PHF3: variants seen among roughly 807,000 people sequenced by gnomAD.
PHF3 encodes the protein PHD finger protein 3.
A neutral mutation model predicts 178.4 loss-of-function variants in PHF3; 41 were observed. That is an observed-to-expected ratio of 0.23 (90% CI 0.18 to 0.30). PHF3 has a LOEUF of 0.30. Among genes scored for constraint, PHF3 ranks in the 10% least tolerant of loss-of-function variants. The pLI is 1.00. For missense variants in PHF3, 2,346 were observed against 2,398.1 expected (o/e 0.98, Z 0.45); for synonymous variants, 842 against 800.5 (o/e 1.05, Z -0.88).
In PHF3 at chr6:63,675,763, C is replaced by G. The variant is rs111981683; in HGVS notation, c.245-4237C>G. ...CATCACTTACCTTCCAAGTTATTTTCCAGCACATATAAACATGGTCAGATC... is the reference window on the plus strand; with the variant it reads ...CATCACTTACCTTCCAAGTTATTTTGCAGCACATATAAACATGGTCAGATC... On this transcript the variant is annotated intron_variant, in intron 2 of 15. Transcript: ENST00000262043. Among the ~76,000 whole-genome samples, 1,069 of 152,270 alleles carry G rather than the reference C, an allele frequency of 7.0e-3. 15 individuals are homozygous for G. The highest frequency in any genetic ancestry group is 0.024 in the South Asian group (115 of 4,822).
At chr6:63,665,247 A>T (rs1262550003) in intron 2 of PHF3, among the ~76,000 whole-genome samples, 2 of 152,096 alleles carry the variant, frequency 1.3e-5, no homozygotes, top group East Asian at 3.9e-4. Context: ...GACAGATTAA[A>T]GGTGTGTATT....
chr6:63,720,616 C>A lies in PHF3; in HGVS notation c.*6908C>A, dbSNP rs1452976947. ...TTAACTTATGTAACCTCATTTTGTT[C>A]ATCTCCATCATAAACATTGTATCCT... On this transcript the variant is annotated 3_prime_UTR_variant, in exon 16 of 16. Coordinates refer to ENST00000262043, the MANE Select transcript of PHF3 (RefSeq NM_001370348.2). 17 of 1,490,468 alleles carry A rather than the reference C, an allele frequency of 1.1e-5. No homozygotes were observed. Among genetic ancestry groups the A allele is most frequent in the Non-Finnish European group, 1.5e-5 (17 of 1,117,884 alleles). 92.3% of individuals were successfully genotyped at this position (1,490,468 alleles called of 1,614,324 possible).
At position 63,653,702 on chromosome 6, in the gene PHF3, T is replaced by G. The variant is rs149237943; in HGVS notation, c.244+6907T>G. On this transcript the variant is annotated intron_variant, in intron 2 of 15. Transcript: ENST00000262043. ...CTGTGTCGAATGAAAATGGGCATCC[T>G]TGTCTTGTTTCAGATGTTAGAGGAA... Among the ~76,000 whole-genome samples, 377 of 152,280 alleles carry G rather than the reference T, an allele frequency of 2.5e-3. 1 individual carries two copies. Among genetic ancestry groups the G allele is most frequent in the East Asian group, 7.7e-3 (40 of 5,188 alleles).
At chr6:63,705,638 G>C (rs1207877731) in intron 11 of PHF3, among the ~76,000 whole-genome samples, 2 of 152,190 alleles carry the variant, frequency 1.3e-5, no homozygotes, top group Non-Finnish European at 2.9e-5. Flanking sequence ...TTGGTTGCTG[G>C]TGATAAAAAG....
chr6:63,711,422 T>C (rs1767922262), intron 15 of PHF3, 60 bp downstream of exon 15: 2 of 1,423,810 alleles, frequency 1.4e-6, no homozygotes, highest in Non-Finnish European at 1.9e-6. Flanking sequence ...GGGACCAGAG[T>C]GAAAAGACTG....
chr6:63,697,602 CAT>C (rs1417537068), intron 6 of PHF3, among the ~76,000 whole-genome samples: 16 of 152,166 alleles, frequency 1.1e-4, no homozygotes, highest in Admixed American at 2.6e-4. Flanking sequence ...TGCCAACACA[CAT>C]GTTTAAAAGA....
chr6:63,683,853 C>T (rs1766546911), intron 3 of PHF3, among the ~76,000 whole-genome samples: 1 of 151,988 alleles, frequency 6.6e-6, no homozygotes, highest in Non-Finnish European at 1.5e-5. Flanking sequence ...TTGATGAAAA[C>T]ATTTCTTTTA....
At chr6:63,655,813 C>T (rs1364975170) in intron 2 of PHF3, among the ~76,000 whole-genome samples, 1 of 151,696 alleles carries the variant, frequency 6.6e-6, no homozygotes, top group Non-Finnish European at 1.5e-5. Flanking sequence ...TCTTCTTTTT[C>T]TTTTTTTGTT....
intron 2 of PHF3, among the ~76,000 whole-genome samples, chr6:63,670,734 T>A (rs75028237): frequency 0.012 from 1,806 of 152,348 alleles, 30 homozygotes; most frequent in African/African-American, 0.042. Flanking sequence ...GTTTTAAGAC[T>A]GAATATTTTA....
At position 63,658,068 on chromosome 6, in the gene PHF3, T is replaced by C. The variant is rs1441892341; in HGVS notation, c.244+11273T>C. ...TTCAATGCTTGGTTGTAGGCCTTGC[T>C]GGGTATTCAAGTAGGGGAAGAGATG... On this transcript the variant is annotated intron_variant, in intron 2 of 15. Transcript: ENST00000262043. Among the ~76,000 whole-genome samples the C allele has an allele frequency of 3.9e-5, 6 of 152,322 alleles. No individual in the cohort carries two copies. In the East Asian group the frequency reaches 1.2e-3, roughly 29 times the overall value.
At chr6:63,656,591 C>A (rs970886255) in intron 2 of PHF3, among the ~76,000 whole-genome samples, 1 of 152,162 alleles carries the variant, frequency 6.6e-6, no homozygotes, top group Non-Finnish European at 1.5e-5. Context: ...ATTTGTTGCC[C>A]AGAGCCCCCT....
rs979990054 is a variant in PHF3 at position 63,715,481 on chromosome 6, A to G, written c.*1773A>G. The G allele has an allele frequency of 6.6e-6, 1 of 152,320 alleles. No homozygotes were observed. Among genetic ancestry groups the G allele is most frequent in the East Asian group, 1.9e-4 (1 of 5,192 alleles). 9.4% of individuals were successfully genotyped at this position (152,320 alleles called of 1,614,324 possible). A position where few individuals can be genotyped will look rare whatever the true frequency, so the allele number is the denominator to read the frequency against. On this transcript the variant is annotated 3_prime_UTR_variant, in exon 16 of 16. Transcript: ENST00000262043. ...CGTCAATAAATCTACCTTTACTGAT[A>G]TATCTGGTTGAGGGAATATCAGACT...
Position 63,685,410 on chromosome 6 carries a change from C to T in PHF3, c.1688C>T (p.Ser563Phe). Residue 563 changes from serine (S) to phenylalanine (F), a missense_variant, in exon 4 of 16, where the codon TCT becomes TTT. Around this residue, in one of 8 missense-constraint regions of PHF3, gnomAD observed 843 missense variants for 795.2 expected, o/e 1.06. Coordinates refer to ENST00000262043, the MANE Select transcript of PHF3 (RefSeq NM_001370348.2). ...DKEPKIQSCNSGVKSVKNQAH... is the reference protein window; with the variant it reads ...DKEPKIQSCNFGVKSVKNQAH... ...GAGCCAAAGATTCAGAGTTGCAATT[C>T]TGGGGTTAAATCTGTGAAAAACCAA... 7 of 1,613,934 alleles carry T rather than the reference C, an allele frequency of 4.3e-6. No individual in the cohort carries two copies. The highest frequency in any genetic ancestry group is 5.9e-6 in the Non-Finnish European group (7 of 1,179,974).
intron 2 of PHF3, among the ~76,000 whole-genome samples, chr6:63,654,310 T>A (rs1174717047): frequency 6.6e-6 from 1 of 152,170 alleles, no homozygotes; most frequent in Admixed American, 6.5e-5. Flanking sequence ...AATACAAATT[T>A]AATACGTGTA....
chr6:63,700,531 ATTAT>A, intron 9 of PHF3, 65 bp downstream of exon 9: 1 of 857,794 alleles, frequency 1.2e-6, no homozygotes. Context: ...TTGGGTAAAA[ATTAT>A]ACAGAGGTAA....
intron 6 of PHF3, among the ~76,000 whole-genome samples, chr6:63,696,690 AGAG>A (rs1429035369): frequency 1.3e-5 from 2 of 152,212 alleles, no homozygotes; most frequent in Admixed American, 1.3e-4. Context: ...CTGTGAGGAA[AGAG>A]GAGAACTGAG....
intron 2 of PHF3, 143 bp from the exon 3 acceptor site, chr6:63,679,857 C>A: frequency 1.4e-6 from 1 of 737,990 alleles, no homozygotes; most frequent in Non-Finnish European, 2.4e-6. Flanking sequence ...GGCAATTTCA[C>A]ATGTTAGAAA....
intron 2 of PHF3, among the ~76,000 whole-genome samples, chr6:63,656,731 A>G (rs914670004): frequency 6.6e-6 from 1 of 152,044 alleles, no homozygotes; most frequent in Non-Finnish European, 1.5e-5. Flanking sequence ...TCTTTGTTGA[A>G]GTCCTTGGTA....
At chr6:63,657,479 T>C (rs1230735706) in intron 2 of PHF3, among the ~76,000 whole-genome samples, 1 of 152,216 alleles carries the variant, frequency 6.6e-6, no homozygotes, top group Non-Finnish European at 1.5e-5. Context: ...GTGTATTATC[T>C]ACTGTATTCT....
Sources: allele counts gnomAD v4.1 joint callset (sites outside exome capture counted in the v4.1 genomes callset), GRCh38; gene constraint gnomAD v4.1.1; regional missense constraint gnomAD v4.1.1; transcripts MANE v1.5; gene names NCBI Gene and HGNC (gene_info 2026-07-23, HGNC 2026-07-21).